Variants in HIF1A observed in about 807,000 individuals in gnomAD.
The protein encoded by HIF1A is hypoxia-inducible factor 1-alpha.
In HIF1A, 24 loss-of-function variants were observed where a neutral mutation model predicts 92.7. The observed-to-expected ratio is 0.26, with a 90% CI of 0.19 to 0.36. HIF1A has a LOEUF of 0.36. HIF1A is among the 10% of genes least tolerant of loss of function. HIF1A has a pLI of 1.00. For missense variants in HIF1A, 799 were observed against 998.5 expected, an observed-to-expected ratio of 0.80 and a Z score of 2.69; for synonymous variants, 319 against 338.7, an observed-to-expected ratio of 0.94 and a Z score of 0.64.
intron 14 of HIF1A, 86 bp from the exon 15 acceptor site, chr14:61,746,848 T>C: frequency 9.0e-7 from 1 of 1,105,324 alleles, no homozygotes; most frequent in Non-Finnish European, 1.3e-6. Flanking sequence ...TGCTTTATTT[T>C]CTATGATACC....
At chr14:61,726,676 C>A in intron 4 of HIF1A, 30 bp from the exon 5 acceptor site, 1 of 1,397,992 alleles carries the variant, frequency 7.2e-7, no homozygotes, top group Non-Finnish European at 9.9e-7. Context: ...TATTTAGTTG[C>A]TTTAAAACTT....
chr14:61,742,970 T>A (rs1366554805), intron 12 of HIF1A, among the ~76,000 whole-genome samples: 1 of 151,638 alleles, frequency 6.6e-6, no homozygotes, highest in African/African-American at 2.4e-5. Context: ...TAAGTTACAG[T>A]TTACTATCAG....
intron 8 of HIF1A, among the ~76,000 whole-genome samples, chr14:61,735,449 G>A (rs1271397242): frequency 6.6e-6 from 1 of 152,092 alleles, no homozygotes; most frequent in African/African-American, 2.4e-5. Flanking sequence ...ACCCCAGTCT[G>A]CCTAGCAAAT....
intron 1 of HIF1A, among the ~76,000 whole-genome samples, chr14:61,713,853 C>A (rs2044333901): frequency 6.6e-6 from 1 of 152,112 alleles, no homozygotes. Flanking sequence ...GAGCCCTCAA[C>A]CTGACACTGT....
chr14:61,696,422 G>A (rs1327729299), intron 1 of HIF1A, among the ~76,000 whole-genome samples: 1 of 152,246 alleles, frequency 6.6e-6, no homozygotes, highest in African/African-American at 2.4e-5. Context: ...CGTCGCGGGT[G>A]TCTTTGCCTT....
intron 10 of HIF1A, 161 bp from the exon 11 acceptor site, chr14:61,740,344 C>G (rs750490219): frequency 1.9e-6 from 1 of 517,700 alleles, no homozygotes; most frequent in Non-Finnish European, 3.4e-6. Context: ...GGATTACAGG[C>G]GTGAGCCACT....
At chr14:61,733,240 C>T (rs1357473912) in intron 7 of HIF1A, among the ~76,000 whole-genome samples, 2 of 152,208 alleles carry the variant, frequency 1.3e-5, no homozygotes, top group Admixed American at 1.3e-4. Context: ...CATGTACCAC[C>T]ATGCCTGGCT....
chr14:61,705,782 G>GGT (rs1477091681), intron 1 of HIF1A, among the ~76,000 whole-genome samples: 2 of 152,090 alleles, frequency 1.3e-5, no homozygotes, highest in African/African-American at 4.8e-5. Context: ...AAATTTATTT[G>GGT]GTAATATTGG....
intron 1 of HIF1A, chr14:61,715,433 AT>A (rs991167360): frequency 6.6e-6 from 1 of 152,218 alleles, no homozygotes; most frequent in African/African-American, 2.4e-5. Flanking sequence ...TTCGAACTTT[AT>A]AATAATAGCC....
At chr14:61,698,292 ATGG>A (rs2044138623) in intron 1 of HIF1A, among the ~76,000 whole-genome samples, 1 of 152,204 alleles carries the variant, frequency 6.6e-6, no homozygotes, top group Admixed American at 6.5e-5. Flanking sequence ...GAAGCAGCAT[ATGG>A]TGGTTAAGAG....
intron 1 of HIF1A, among the ~76,000 whole-genome samples, chr14:61,702,322 T>A (rs1051253931): frequency 6.9e-6 from 1 of 144,882 alleles, no homozygotes; most frequent in Non-Finnish European, 1.5e-5. Flanking sequence ...ATGCCTGTAA[T>A]CCCAGCTACT....
At chr14:61,744,860 CGT>C (rs60361955) in intron 13 of HIF1A, 47 bp downstream of exon 13, 42,066 of 527,888 alleles carry the variant, frequency 0.08, 735 homozygotes, top group Non-Finnish European at 0.089. Flanking sequence ...TGTGCTATTT[CGT>C]GTGTGTGTGT....
At chr14:61,699,157 T>C (rs1050569519) in intron 1 of HIF1A, among the ~76,000 whole-genome samples, 1 of 152,190 alleles carries the variant, frequency 6.6e-6, no homozygotes, top group African/African-American at 2.4e-5. Context: ...GTCTGTTTTG[T>C]GGCTCAATTT....
intron 1 of HIF1A, among the ~76,000 whole-genome samples, chr14:61,711,546 C>T (rs756063577): frequency 6.6e-6 from 1 of 152,210 alleles, no homozygotes; most frequent in Non-Finnish European, 1.5e-5. Context: ...TCTCTTTACA[C>T]CTCTAAATCT....
chr14:61,743,848 C>A (rs2044743753), intron 12 of HIF1A, among the ~76,000 whole-genome samples: 1 of 152,090 alleles, frequency 6.6e-6, no homozygotes, highest in Non-Finnish European at 1.5e-5. Flanking sequence ...GTGGGAAGAG[C>A]AGGGGAGGGG....
At chr14:61,730,911 G>T (rs2044568549) in intron 6 of HIF1A, among the ~76,000 whole-genome samples, 1 of 152,178 alleles carries the variant, frequency 6.6e-6, no homozygotes, top group Admixed American at 6.5e-5. Context: ...CAAGAAATAT[G>T]ACTGATTTTG....
At chr14:61,711,900 G>A (rs1473212725) in intron 1 of HIF1A, among the ~76,000 whole-genome samples, 7 of 152,078 alleles carry the variant, frequency 4.6e-5, no homozygotes, top group African/African-American at 1.4e-4. Context: ...ACTAGTGATC[G>A]AATCTCAACT....
intron 1 of HIF1A, among the ~76,000 whole-genome samples, chr14:61,704,649 AATGG>A (rs1475661903): frequency 5.8e-4 from 89 of 152,296 alleles, no homozygotes; most frequent in Non-Finnish European, 2.5e-4. Flanking sequence ...CTTCACTGTG[AATGG>A]ATGAAGGGAT....
In HIF1A at chr14:61,695,515, T is replaced by G. The variant is rs1239173040; in HGVS notation, c.-290T>G. ...CCCTGACGCTGCCTCAGCTCCTCAG[T>G]GCACAGTGCTGCCTCGTCTGAGGGG... On this transcript the variant is annotated 5_prime_UTR_variant, in exon 1 of 15. Transcript: ENST00000337138. 2.7e-6 allele frequency: 1 copy of G among 375,876 alleles called. No homozygotes were observed. Among genetic ancestry groups the G allele is most frequent in the Non-Finnish European group, 4.8e-6 (1 of 207,568 alleles). 23.3% of individuals were successfully genotyped at this position (375,876 alleles called of 1,614,324 possible).
Sources: gnomAD v4.1 joint callset for allele counts (sites outside exome capture counted in the v4.1 genomes callset) on GRCh38, gnomAD v4.1.1 for gene constraint, MANE v1.5 for transcripts, NCBI Gene and HGNC (gene_info 2026-07-23, HGNC 2026-07-21) for gene names.